Variants in PTPRD observed in about 807,000 individuals in gnomAD.
PTPRD encodes protein tyrosine phosphatase receptor type D.
In PTPRD, 34 loss-of-function variants were observed where a neutral mutation model predicts 214.5. The observed-to-expected ratio is 0.16, with a 90% CI of 0.12 to 0.21. The LOEUF (loss-of-function observed/expected upper bound fraction) is 0.21. Among genes scored for constraint, PTPRD ranks in the 10% least tolerant of loss-of-function variants. The pLI is 1.00. For missense variants in PTPRD, 2,545 were observed against 2,398.7 expected (o/e 1.06, Z -1.27); for synonymous variants, 1,128 against 845.7 (o/e 1.33, Z -5.79).
intron 7 of PTPRD, among the ~76,000 whole-genome samples, chr9:9,622,646 G>GA (rs2095284830): frequency 6.6e-6 from 1 of 151,888 alleles, no homozygotes; most frequent in Non-Finnish European, 1.5e-5. Flanking sequence ...TGGGATCACC[G>GA]AAAAAAAGTT....
chr9:9,272,154 T>A (rs1045099151), intron 9 of PTPRD, among the ~76,000 whole-genome samples: 1 of 151,202 alleles, frequency 6.6e-6, no homozygotes, highest in African/African-American at 2.4e-5. Flanking sequence ...AGTGTATCCT[T>A]CCCAAAATAT....
At chr9:9,243,307 C>T (rs200218343) in intron 9 of PTPRD, among the ~76,000 whole-genome samples, 6 of 151,942 alleles carry the variant, frequency 3.9e-5, no homozygotes, top group East Asian at 1.9e-4. Flanking sequence ...AGCATCATCC[C>T]GATACCAAAG....
intron 9 of PTPRD, among the ~76,000 whole-genome samples, chr9:9,238,782 G>C (rs78602909): frequency 0.025 from 3,828 of 152,110 alleles, 148 homozygotes; most frequent in African/African-American, 0.078. Context: ...TCTTCATTTT[G>C]AGAGACCCAA....
chr9:10,108,663 C>T (rs778403500), intron 3 of PTPRD, among the ~76,000 whole-genome samples: 4 of 152,034 alleles, frequency 2.6e-5, no homozygotes, highest in Admixed American at 6.6e-5. Context: ...GATTTCTGCA[C>T]TCTCATATTT....
intron 2 of PTPRD, among the ~76,000 whole-genome samples, chr9:10,507,838 T>C (rs1311932094): frequency 2.6e-5 from 4 of 152,052 alleles, no homozygotes; most frequent in African/African-American, 9.7e-5. Flanking sequence ...CCTAAAACCA[T>C]AAAAACCCTA....
chr9:9,884,553 T>A (rs1036999850), intron 5 of PTPRD, among the ~76,000 whole-genome samples: 1 of 152,114 alleles, frequency 6.6e-6, no homozygotes, highest in Non-Finnish European at 1.5e-5. Flanking sequence ...AGGTAGAAGC[T>A]GGAAAGGCCT....
intron 7 of PTPRD, among the ~76,000 whole-genome samples, chr9:9,583,246 C>A (rs762758060): frequency 3.3e-5 from 5 of 151,976 alleles, no homozygotes; most frequent in Non-Finnish European, 7.4e-5. Context: ...CATCAAACAA[C>A]TCATTTAGCA....
intron 8 of PTPRD, among the ~76,000 whole-genome samples, chr9:9,453,149 C>A (rs547081730): frequency 3.8e-4 from 58 of 151,426 alleles, no homozygotes; most frequent in Non-Finnish European, 5.8e-4. Context: ...CAACGCCCCC[C>A]CACACAATGC....
chr9:8,987,205 G>A (rs1461345374), intron 11 of PTPRD, among the ~76,000 whole-genome samples: 2 of 152,056 alleles, frequency 1.3e-5, no homozygotes, highest in South Asian at 4.2e-4. Flanking sequence ...AGTAGCATTA[G>A]GTTTCTGCTG....
rs2095131304 is a variant in PTPRD at position 10,281,858 on chromosome 9, G to A, written c.-545+59105C>T. ...ACATCTTGAAATTTTCTAGAACAAG[G>A]ATTAGCATTCTATTGCATTTATCAT... On this transcript the variant is annotated intron_variant, in intron 3 of 45. Transcript: ENST00000381196. 2.0e-5 allele frequency among the ~76,000 whole-genome samples: 3 copies of A among 151,942 alleles called. No individual in the cohort carries two copies. The South Asian group carries it at 6.2e-4, about 32-fold the overall frequency.
At chr9:10,116,899 A>G (rs1028493912) in intron 3 of PTPRD, among the ~76,000 whole-genome samples, 2 of 152,052 alleles carry the variant, frequency 1.3e-5, no homozygotes, top group Non-Finnish European at 2.9e-5. Context: ...CAATATATGC[A>G]TAATGTACTC....
At chr9:9,275,489 A>G (rs899554027) in intron 9 of PTPRD, among the ~76,000 whole-genome samples, 1 of 150,952 alleles carries the variant, frequency 6.6e-6, no homozygotes, top group Non-Finnish European at 1.5e-5. Flanking sequence ...CTGATCTTAC[A>G]TATCTCAGTC....
intron 11 of PTPRD, among the ~76,000 whole-genome samples, chr9:8,839,708 G>A (rs752633323): frequency 6.6e-5 from 10 of 152,124 alleles, no homozygotes; most frequent in Non-Finnish European, 1.5e-4. Flanking sequence ...AAGAAATAAT[G>A]CAAAATATAG....
intron 2 of PTPRD, among the ~76,000 whole-genome samples, chr9:10,566,406 C>T (rs886760246): frequency 1.3e-5 from 2 of 152,004 alleles, no homozygotes; most frequent in East Asian, 3.9e-4. Flanking sequence ...AATTGTTTTA[C>T]AGTCTTAGTA....
intron 5 of PTPRD, among the ~76,000 whole-genome samples, chr9:9,883,695 T>C (rs541008932): frequency 1.2e-4 from 19 of 152,278 alleles, no homozygotes; most frequent in African/African-American, 3.8e-4. Context: ...ATGTACTCTA[T>C]CTAACCTCTT....
Position 9,755,396 on chromosome 9 carries a change from T to C in PTPRD, c.-326+11414A>G, listed in dbSNP as rs554642051. Reference sequence around the variant, plus strand: ...AAAAGGAATTGACAGCTTCAGTTTGTTGTCTGTTACCACGGTTTAAGGGTA... The same window carrying C: ...AAAAGGAATTGACAGCTTCAGTTTGCTGTCTGTTACCACGGTTTAAGGGTA... On this transcript the variant is annotated intron_variant, in intron 6 of 45. Transcript: ENST00000381196. Among the ~76,000 whole-genome samples, 37 of 152,166 alleles carry C rather than the reference T, an allele frequency of 2.4e-4. No individual in the cohort carries two copies. In the South Asian group the frequency reaches 7.1e-3, roughly 29 times the overall value.
intron 3 of PTPRD, among the ~76,000 whole-genome samples, chr9:10,279,941 G>A (rs183277045): frequency 8.6e-5 from 13 of 152,038 alleles, no homozygotes; most frequent in African/African-American, 2.4e-4. Context: ...CACAGTCCTC[G>A]TACTGACATA....
At chr9:10,436,543 ATAT>A (rs1206326325) in intron 2 of PTPRD, among the ~76,000 whole-genome samples, 1 of 151,790 alleles carries the variant, frequency 6.6e-6, no homozygotes, top group Non-Finnish European at 1.5e-5. Context: ...TACAGTACAC[ATAT>A]TATATTATAT....
chr9:8,432,892 A>G (rs2095146919), intron 35 of PTPRD, among the ~76,000 whole-genome samples: 1 of 152,234 alleles, frequency 6.6e-6, no homozygotes, highest in South Asian at 2.1e-4. Context: ...AGCTAAGCCT[A>G]CTGGGGAAGC....
Sources: allele counts gnomAD v4.1 joint callset (sites outside exome capture counted in the v4.1 genomes callset), GRCh38; gene constraint gnomAD v4.1.1; transcripts MANE v1.5; gene names NCBI Gene and HGNC (gene_info 2026-07-23, HGNC 2026-07-21).